CCL25: variants seen among roughly 807,000 people sequenced by gnomAD.
The protein encoded by CCL25 is C-C motif chemokine 25.
Under a neutral mutation model 19.9 loss-of-function variants are expected in CCL25, and 14 were observed. That is an observed-to-expected ratio of 0.70 (90% CI 0.47 to 1.10). The LOEUF (loss-of-function observed/expected upper bound fraction) is 1.10. Among genes scored for constraint, CCL25 ranks in the 50% least tolerant of loss-of-function variants. The pLI is 0.00. For synonymous variants in CCL25, 68 were observed against 73.2 expected (o/e 0.93, Z 0.36); for missense variants, 151 against 181.2 (o/e 0.83, Z 0.96).
chr19:8,062,012 T>C (rs1357233370), intron 5 of CCL25, among the ~76,000 whole-genome samples: 3 of 138,554 alleles, frequency 2.2e-5, no homozygotes, highest in South Asian at 2.2e-4. Context: ...ATTGCGCCAC[T>C]GCACTCCAGT....
chr19:8,060,335 C>T (rs933633695), intron 5 of CCL25, among the ~76,000 whole-genome samples: 4 of 151,892 alleles, frequency 2.6e-5, no homozygotes, highest in Non-Finnish European at 5.9e-5. Context: ...AAATGAGACC[C>T]TGTCTCGAAA....
intron 5 of CCL25, 91 bp downstream of exon 5, chr19:8,058,011 T>G (rs2081284559): frequency 3.9e-6 from 6 of 1,530,264 alleles, no homozygotes; most frequent in Non-Finnish European, 5.3e-6. Context: ...GACAGGAGAT[T>G]CACCTCCAGG....
intron 2 of CCL25, among the ~76,000 whole-genome samples, chr19:8,055,496 C>T (rs1479487682): frequency 2.6e-5 from 4 of 151,406 alleles, no homozygotes; most frequent in South Asian, 2.1e-4. Context: ...CCACCACACC[C>T]GGCTAATTTT....
intron 2 of CCL25, among the ~76,000 whole-genome samples, chr19:8,055,570 G>A (rs1007946458): frequency 3.3e-5 from 5 of 151,588 alleles, no homozygotes; most frequent in South Asian, 2.1e-4. Flanking sequence ...TCCTGACCTC[G>A]TGATCCGCCC....
Position 8,053,014 on chromosome 19 carries a change from C to A in CCL25, c.-36C>A, listed in dbSNP as rs980242352. 1.3e-6 allele frequency: 2 copies of A among 1,499,218 alleles called. No homozygotes were observed. The highest frequency in any genetic ancestry group is 1.4e-5 in the African/African-American group (1 of 72,064). The allele number at this position is 1,499,218 out of a possible 1,614,324, so 92.9% of individuals were successfully genotyped here. On this transcript the variant is annotated 5_prime_UTR_variant, in exon 2 of 6. Transcript: ENST00000315626. ...CACGACCCCAGGTGGCCCCGTTATTCGTCCAGGTGCCCAGGGAGGAGGACC... is the reference window on the plus strand; with the variant it reads ...CACGACCCCAGGTGGCCCCGTTATTAGTCCAGGTGCCCAGGGAGGAGGACC...
At chr19:8,062,100 C>A in intron 5 of CCL25, 118 bp from the exon 6 acceptor site, 28 of 709,278 alleles carry the variant, frequency 3.9e-5, no homozygotes, top group Non-Finnish European at 5.9e-5. Context: ...ACTCCTATTA[C>A]TCAGAAATTC....
intron 2 of CCL25, 33 bp from the exon 3 acceptor site, chr19:8,056,119 G>T: frequency 7.1e-7 from 1 of 1,409,254 alleles, no homozygotes; most frequent in South Asian, 1.4e-5. Flanking sequence ...AACATGCAAG[G>T]GTGCGAGTAT....
At chr19:8,062,185 A>G (rs759325845) in intron 5 of CCL25, 33 bp from the exon 6 acceptor site, 12 of 1,611,968 alleles carry the variant, frequency 7.4e-6, no homozygotes, top group Non-Finnish European at 9.3e-6. Context: ...ACAGCCGTCA[A>G]TTTTACTTCG....
intron 5 of CCL25, among the ~76,000 whole-genome samples, chr19:8,061,965 G>A (rs971713112): frequency 6.6e-6 from 1 of 150,506 alleles, no homozygotes; most frequent in African/African-American, 2.4e-5. Flanking sequence ...CAGGAGAATC[G>A]CTTGAGTCCT....
intron 2 of CCL25, among the ~76,000 whole-genome samples, chr19:8,055,116 C>A (rs2081259934): frequency 6.7e-6 from 1 of 150,350 alleles, no homozygotes; most frequent in South Asian, 2.1e-4. Context: ...TGGTGAAACC[C>A]CGTCTCTACT....
chr19:8,059,361 G>A (rs1352636488), intron 5 of CCL25, among the ~76,000 whole-genome samples: 1 of 150,374 alleles, frequency 6.7e-6, no homozygotes, highest in African/African-American at 2.5e-5. Context: ...ACCACGTCTG[G>A]CTAATTTTCA....
intron 2 of CCL25, among the ~76,000 whole-genome samples, chr19:8,054,726 G>A (rs1399345110): frequency 2.0e-5 from 3 of 149,962 alleles, no homozygotes; most frequent in South Asian, 2.1e-4. Context: ...TCAGTTTCCC[G>A]GGAGCTCCCT....
In CCL25 at chr19:8,062,219, A is replaced by G. The variant is rs758487836; in HGVS notation, c.447A>G (p.Gly149=). The G allele has an allele frequency of 6.2e-7, 1 of 1,612,806 alleles. No individual in the cohort carries two copies. Among genetic ancestry groups the G allele is most frequent in the African/African-American group, 1.3e-5 (1 of 74,852 alleles). ...NVSLLISANS[G]L is the part of the protein sequence containing the mutation. ...CGGCCTCTCTCATTGCTTCTGCAGGACTGTGAGCCGGCTCATTTCTGGGCT... is the reference window on the plus strand; with the variant it reads ...CGGCCTCTCTCATTGCTTCTGCAGGGCTGTGAGCCGGCTCATTTCTGGGCT... Residue 149 remains glycine (G), a splice_region_variant and synonymous_variant, in exon 6 of 6, where the codon GGA becomes GGG. Transcript: ENST00000315626.
At chr19:8,062,143 T>A in intron 5 of CCL25, 75 bp from the exon 6 acceptor site, 1 of 1,455,096 alleles carries the variant, frequency 6.9e-7, no homozygotes, top group Non-Finnish European at 9.6e-7. Flanking sequence ...GGACTGGAGG[T>A]AGAGACAAAT....
In CCL25 at chr19:8,056,404, AC is replaced by A; in HGVS notation, c.234del (p.Ser80AlafsTer8). The A allele has an allele frequency of 6.2e-7, 1 of 1,613,882 alleles. No homozygotes were observed. ...AAGAGACACAGGAAGGTGTGTGGGAACCCCAAAAGCAGGGAGGTGCAGAGAG... is the reference window on the plus strand; with the variant it reads ...AAGAGACACAGGAAGGTGTGTGGGAACCCAAAAGCAGGGAGGTGCAGAGAG... The part of the protein sequence containing the change: ...LPKRHRKVCG[N>X]PKSREVQRAM... On this transcript the variant is annotated frameshift_variant, in exon 4 of 6. Coordinates refer to ENST00000315626, the MANE Select transcript of CCL25 (RefSeq NM_005624.4). LOFTEE classifies it high-confidence loss of function.
intron 2 of CCL25, among the ~76,000 whole-genome samples, chr19:8,055,440 A>G (rs1454021151): frequency 4.7e-5 from 7 of 149,806 alleles, no homozygotes; most frequent in Non-Finnish European, 8.9e-5. Context: ...GGTTCACGCC[A>G]TTCTCCTGCC....
chr19:8,055,941 G>C lies in CCL25; in HGVS notation c.74-211G>C, dbSNP rs186692556. On this transcript the variant is annotated intron_variant, in intron 2 of 5. Transcript: ENST00000315626. ...CACCCTTCCCAGCCGGGACCCAAGG[G>C]TCCTCTCCAACCTCTGGCTGTCCCA... Among the ~76,000 whole-genome samples, 742 of 152,258 alleles carry C rather than the reference G, an allele frequency of 4.9e-3. 12 individuals are homozygous for C. The highest frequency in any genetic ancestry group is 0.017 in the African/African-American group (700 of 41,550).
At chr19:8,053,831 G>C (rs2081249979) in intron 2 of CCL25, among the ~76,000 whole-genome samples, 1 of 152,044 alleles carries the variant, frequency 6.6e-6, no homozygotes, top group Non-Finnish European at 1.5e-5. Context: ...TTACAGGTTT[G>C]AGCCACTGTG....
intron 5 of CCL25, among the ~76,000 whole-genome samples, chr19:8,058,375 TATATATA>T (rs1394168673): frequency 2.0e-4 from 24 of 117,178 alleles, no homozygotes; most frequent in Non-Finnish European, 3.2e-4. Flanking sequence ...AATATATAAA[TATATATA>T]ATATATAAGT....
Sources: allele counts gnomAD v4.1 joint callset (sites outside exome capture counted in the v4.1 genomes callset), GRCh38; gene constraint gnomAD v4.1.1; transcripts MANE v1.5; gene names NCBI Gene and HGNC (gene_info 2026-07-23, HGNC 2026-07-21).